Variants in DCLK2 observed in about 807,000 individuals in gnomAD.
DCLK2 encodes serine/threonine-protein kinase DCLK2.
DCLK2 carries 31 observed loss-of-function variants against 78.4 expected under a neutral mutation model. That is an observed-to-expected ratio of 0.40 (90% CI 0.30 to 0.53). The LOEUF (loss-of-function observed/expected upper bound fraction) is 0.53, where lower values mean the gene tolerates loss of function less well. Among genes scored for constraint, DCLK2 ranks in the 20% least tolerant of loss-of-function variants. The probability of loss-of-function intolerance (pLI) is 0.61; values close to 1 mark genes in which losing one functional copy is unlikely to be tolerated. For synonymous variants in DCLK2, 407 were observed against 374.9 expected (o/e 1.09, Z -0.99); for missense variants, 872 against 973.7 (o/e 0.90, Z 1.39).
At chr4:150,124,567 A>G (rs1018662073) in intron 2 of DCLK2, among the ~76,000 whole-genome samples, 12 of 152,200 alleles carry the variant, frequency 7.9e-5, no homozygotes, top group African/African-American at 2.7e-4. Flanking sequence ...TTAAACACCT[A>G]GTCTTTTACA....
intron 2 of DCLK2, among the ~76,000 whole-genome samples, chr4:150,144,352 T>C (rs1190880239): frequency 6.6e-6 from 1 of 152,164 alleles, no homozygotes; most frequent in Non-Finnish European, 1.5e-5. Flanking sequence ...CTTTTCCCAT[T>C]TATTTTTGTC....
intron 15 of DCLK2, among the ~76,000 whole-genome samples, chr4:150,250,603 G>A (rs1743704018): frequency 6.6e-6 from 1 of 151,824 alleles, no homozygotes; most frequent in Admixed American, 6.6e-5. Context: ...AAGGTGATGG[G>A]CGTCTGAGTT....
intron 2 of DCLK2, among the ~76,000 whole-genome samples, chr4:150,116,174 G>T (rs962158117): frequency 6.6e-6 from 1 of 152,190 alleles, no homozygotes; most frequent in Non-Finnish European, 1.5e-5. Flanking sequence ...CACTCCTCCT[G>T]TGGGGATGCA....
chr4:150,228,641 A>T (rs1741795799), intron 8 of DCLK2, among the ~76,000 whole-genome samples: 1 of 152,220 alleles, frequency 6.6e-6, no homozygotes, highest in South Asian at 2.1e-4. Context: ...GTGAGTGAGC[A>T]GGGGAGGTGA....
intron 2 of DCLK2, among the ~76,000 whole-genome samples, chr4:150,136,107 G>A (rs577454161): frequency 6.3e-4 from 96 of 152,312 alleles, no homozygotes; most frequent in Non-Finnish European, 1.2e-3. Flanking sequence ...GTGGAGAGGG[G>A]AGTGAAACCA....
chr4:150,136,648 C>G (rs972237786), intron 2 of DCLK2, among the ~76,000 whole-genome samples: 1 of 152,186 alleles, frequency 6.6e-6, no homozygotes, highest in African/African-American at 2.4e-5. Flanking sequence ...TTCCAGGGAA[C>G]CTGAAATGTG....
chr4:150,247,361 C>A (rs908011169), intron 12 of DCLK2, among the ~76,000 whole-genome samples: 1 of 152,162 alleles, frequency 6.6e-6, no homozygotes, highest in Non-Finnish European at 1.5e-5. Flanking sequence ...ATTCATTAAG[C>A]AAATGTTTGA....
chr4:150,239,777 A>G lies in DCLK2; in HGVS notation c.1602A>G (p.Lys534=), dbSNP rs756968385. ...ATCCTGATGGAACCAAGTCTTTGAAACTGGGAGACTTTGGGCTTGCGACTG... is the reference window on the plus strand; with the variant it reads ...ATCCTGATGGAACCAAGTCTTTGAAGCTGGGAGACTTTGGGCTTGCGACTG... ...CEYPDGTKSL[K]LGDFGLATVV... Residue 534 remains lysine (K), a synonymous_variant, in exon 11 of 16, where the codon AAA becomes AAG. Transcript: ENST00000296550. 10 of 1,614,192 alleles carry G rather than the reference A, an allele frequency of 6.2e-6. No individual in the cohort carries two copies. The highest frequency in any genetic ancestry group is 8.5e-6 in the Non-Finnish European group (10 of 1,180,030).
Position 150,197,775 on chromosome 4 carries a change from C to T in DCLK2, c.860-227C>T, listed in dbSNP as rs1304624400. 6.9e-5 allele frequency among the ~76,000 whole-genome samples: 10 copies of T among 144,034 alleles called. 1 individual carries two copies. Among genetic ancestry groups the T allele is most frequent in the Non-Finnish European group, 7.5e-5 (5 of 66,524 alleles). The allele number at this position is 144,034 out of a possible 152,430, so 94.5% of individuals were successfully genotyped here. A position where few individuals can be genotyped will look rare whatever the true frequency, so the allele number is the denominator to read the frequency against. ...CGCCATTGCACTCCAGCCTGGGAAA[C>T]GGGAACAAAACTCCATCTCAAGAGA... On this transcript the variant is annotated intron_variant, in intron 3 of 15. Coordinates refer to ENST00000296550, the MANE Select transcript of DCLK2 (RefSeq NM_001040260.4).
rs550303695 is a variant in DCLK2, at chr4:150,127,633, T to C, written c.756+24821T>C. ...ACCAACAAAAATACAGTAGCAATTCTGTATCTCAGTGACTGCTCAAGGTTT... is the reference window on the plus strand; with the variant it reads ...ACCAACAAAAATACAGTAGCAATTCCGTATCTCAGTGACTGCTCAAGGTTT... On this transcript the variant is annotated intron_variant, in intron 2 of 15. Transcript: ENST00000296550. 8.5e-5 allele frequency among the ~76,000 whole-genome samples: 13 copies of C among 152,308 alleles called. No individual in the cohort carries two copies. The South Asian group carries it at 2.7e-3, about 32-fold the overall frequency.
intron 4 of DCLK2, among the ~76,000 whole-genome samples, chr4:150,201,113 C>T (rs898594671): frequency 1.3e-5 from 2 of 152,242 alleles, no homozygotes; most frequent in South Asian, 2.1e-4. Context: ...CCACCATGCC[C>T]GGCCATTATT....
At chr4:150,080,113 C>T (rs540769851) in intron 1 of DCLK2, among the ~76,000 whole-genome samples, 2 of 145,110 alleles carry the variant, frequency 1.4e-5, no homozygotes, top group Non-Finnish European at 3.1e-5. Context: ...TCTCAAAAGC[C>T]CCCCCCCCAG....
At chr4:150,228,992 G>T (rs1415938127) in intron 8 of DCLK2, among the ~76,000 whole-genome samples, 1 of 151,048 alleles carries the variant, frequency 6.6e-6, no homozygotes, top group Non-Finnish European at 1.5e-5. Flanking sequence ...CGCCACTGCA[G>T]TCCGCAGTCC....
chr4:150,221,447 T>G, intron 6 of DCLK2, among the ~76,000 whole-genome samples: 1 of 152,174 alleles, frequency 6.6e-6, no homozygotes, highest in East Asian at 1.9e-4. Flanking sequence ...TCACCTGATA[T>G]CTCAGGGATT....
intron 5 of DCLK2, among the ~76,000 whole-genome samples, chr4:150,215,380 A>G (rs999234367): frequency 2.0e-5 from 3 of 152,200 alleles, no homozygotes; most frequent in Non-Finnish European, 2.9e-5. Flanking sequence ...TTCAGACACC[A>G]GTGGCAAGTC....
At chr4:150,157,307 G>T (rs1343942133) in intron 2 of DCLK2, among the ~76,000 whole-genome samples, 1 of 151,300 alleles carries the variant, frequency 6.6e-6, no homozygotes, top group African/African-American at 2.4e-5. Context: ...TTGAGACAAG[G>T]TCTTGCCCTG....
At chr4:150,182,565 T>G (rs1412209607) in intron 2 of DCLK2, among the ~76,000 whole-genome samples, 2 of 152,188 alleles carry the variant, frequency 1.3e-5, no homozygotes, top group Non-Finnish European at 2.9e-5. Context: ...AGGTCATCGT[T>G]TATTGCATGT....
At chr4:150,185,191 A>C (rs139974972) in intron 2 of DCLK2, among the ~76,000 whole-genome samples, 2 of 152,120 alleles carry the variant, frequency 1.3e-5, no homozygotes, top group Non-Finnish European at 2.9e-5. Context: ...TGTCCTTCAT[A>C]TGGTCCAGGA....
intron 2 of DCLK2, among the ~76,000 whole-genome samples, chr4:150,157,949 C>T (rs1372312375): frequency 6.6e-6 from 1 of 152,200 alleles, no homozygotes; most frequent in African/African-American, 2.4e-5. Context: ...TAATTTTATT[C>T]TAACGAGATA....
Sources: gnomAD v4.1 joint callset for allele counts (sites outside exome capture counted in the v4.1 genomes callset) on GRCh38, gnomAD v4.1.1 for gene constraint, MANE v1.5 for transcripts, NCBI Gene and HGNC (gene_info 2026-07-23, HGNC 2026-07-21) for gene names.